CCT2: variants seen among roughly 807,000 people sequenced by gnomAD.
CCT2 encodes chaperonin containing TCP1 subunit 2.
Under a neutral mutation model 61.8 loss-of-function variants are expected in CCT2, and 18 were observed. The observed-to-expected ratio is 0.29, with a 90% confidence interval of 0.20 to 0.43. The LOEUF (loss-of-function observed/expected upper bound fraction) is 0.43, where lower values mean the gene tolerates loss of function less well. Among genes scored for constraint, CCT2 ranks in the 20% least tolerant of loss-of-function variants. The pLI is 1.00. For synonymous variants in CCT2, 248 were observed against 215.9 expected, an observed-to-expected ratio of 1.15 and a Z score of -1.30; for missense variants, 556 against 656.9, an observed-to-expected ratio of 0.85 and a Z score of 1.68.
In CCT2 at chr12:69,601,340, T is replaced by C; in HGVS notation, c.*15T>C. 6.2e-7 allele frequency: 1 copy of C among 1,613,952 alleles called. No homozygotes were observed. The highest frequency in any genetic ancestry group is 1.1e-5 in the South Asian group (1 of 91,014). ...ACCCCTGTTAAGCATTCCCACGTGC[T>C]GTCGATCTTTGGACCAGTTTCTAGC... is the stretch of plus-strand genomic sequence containing the variant. On this transcript the variant is annotated 3_prime_UTR_variant, in exon 16 of 16. Coordinates refer to ENST00000299300, the MANE Select transcript of CCT2 (RefSeq NM_006431.3).
chr12:69,589,331 A>C lies in CCT2; in HGVS notation c.447-154A>C, dbSNP rs994408727. ...TTTGGTGGGGAAAATAACATCTTTA[A>C]TTTGTGTTTCTTGATTACTGCTGAG... On this transcript the variant is annotated intron_variant, in intron 6 of 15. Transcript: ENST00000299300. The C allele has an allele frequency of 4.9e-6, 3 of 616,840 alleles. No homozygotes were observed. The Admixed American group carries it at 9.4e-5, about 19-fold the overall frequency. The allele number at this position is 616,840 out of a possible 1,614,324, so 38.2% of individuals were successfully genotyped here. A position where few individuals can be genotyped will look rare whatever the true frequency, so the allele number is the denominator to read the frequency against.
At position 69,593,952 on chromosome 12, in the gene CCT2, A is replaced by G. The variant is rs539753355; in HGVS notation, c.982+339A>G. ...CAGGAGTTTCAGACCAACTTTGGCA[A>G]CATTGCGAACCCACATCCCTACAAA... On this transcript the variant is annotated intron_variant, in intron 10 of 15. Transcript: ENST00000299300. Among the ~76,000 whole-genome samples, 20 of 151,838 alleles carry G rather than the reference A, an allele frequency of 1.3e-4. No individual in the cohort carries two copies. In the South Asian group the frequency reaches 4.0e-3, roughly 30 times the overall value.
At position 69,597,247 on chromosome 12, in the gene CCT2, A is replaced by G; in HGVS notation, c.1074A>G (p.Lys358=). Reference sequence around the variant, plus strand: ...AGGAAGTCATGATTGGAGAAGACAAACTCATTCACTTTTCTGGGGTTGCCC... The same window carrying G: ...AGGAAGTCATGATTGGAGAAGACAAGCTCATTCACTTTTCTGGGGTTGCCC... ...LIEEVMIGED[K]LIHFSGVALG... The change falls in exon 11 of 16, where the codon AAA becomes AAG. Residue 358 remains lysine, a synonymous_variant. Transcript: ENST00000299300. 1 of 1,613,914 alleles carries G rather than the reference A, an allele frequency of 6.2e-7. No individual in the cohort carries two copies. Among genetic ancestry groups the G allele is most frequent in the South Asian group, 1.1e-5 (1 of 91,072 alleles).
At chr12:69,586,374 G>A in intron 2 of CCT2, 30 bp downstream of exon 2, 1 of 1,518,478 alleles carries the variant, frequency 6.6e-7, no homozygotes, top group Non-Finnish European at 9.1e-7. Context: ...TTGTTTTAAA[G>A]ATAAAACTGG....
Position 69,588,154 on chromosome 12 carries a change from CAGAA to C in CCT2, c.339_342del (p.Glu114LeufsTer2). 6.2e-7 allele frequency: 1 copy of C among 1,611,912 alleles called. No homozygotes were observed. The highest frequency in any genetic ancestry group is 8.5e-7 in the Non-Finnish European group (1 of 1,178,290). On this transcript the variant is annotated frameshift_variant, in exon 6 of 16. Coordinates refer to ENST00000299300, the MANE Select transcript of CCT2 (RefSeq NM_006431.3). LOFTEE classifies it high-confidence loss of function. Reference sequence around the variant, plus strand: ...GTTTTATAACTTTATTAATAGGAAGCAGAATCTTTAATTGCAAAAAAGATTCATC... The same window carrying C: ...GTTTTATAACTTTATTAATAGGAAGCTCTTTAATTGCAAAAAAGATTCATC...
intron 2 of CCT2, 117 bp from the exon 3 acceptor site, chr12:69,586,636 C>G: frequency 1.3e-6 from 1 of 775,080 alleles, no homozygotes; most frequent in Non-Finnish European, 2.1e-6. Flanking sequence ...CCATTGCACT[C>G]CAGCCTGGGC....
intron 15 of CCT2, among the ~76,000 whole-genome samples, chr12:69,600,838 A>G (rs545487375): frequency 6.6e-6 from 1 of 152,256 alleles, no homozygotes; most frequent in African/African-American, 2.4e-5. Flanking sequence ...ATTTACTAGT[A>G]CCCTTATCCC....
chr12:69,597,848 A>G, intron 12 of CCT2, 82 bp downstream of exon 12: 1 of 1,421,122 alleles, frequency 7.0e-7, no homozygotes, highest in Non-Finnish European at 9.7e-7. Context: ...TGGTTCTTAC[A>G]GAAATCTTAT....
chr12:69,587,409 T>C (rs1445889216), intron 3 of CCT2, 96 bp from the exon 4 acceptor site: 6 of 692,294 alleles, frequency 8.7e-6, no homozygotes, highest in Non-Finnish European at 1.3e-5. Flanking sequence ...CTATCCAGAG[T>C]GTTTATACAC....
Position 69,599,980 on chromosome 12 carries a change from A to G in CCT2, c.1553A>G (p.Asp518Gly). 1 of 1,612,734 alleles carries G rather than the reference A, an allele frequency of 6.2e-7. No homozygotes were observed. Among genetic ancestry groups the G allele is most frequent in the Non-Finnish European group, 8.5e-7 (1 of 1,179,380 alleles). Residue 518 changes from aspartate to glycine, a missense_variant, in exon 15 of 16, where the codon GAC becomes GGC. Asp to Gly is a moderately conservative substitution (Grantham distance 94, BLOSUM62 -1). This residue lies in a region of CCT2 where 225 missense variants were observed against 249.8 expected (regional missense o/e 0.90). Transcript: ENST00000299300. ...GCAGCAGAGGTGATTCTGCGTGTGG[A>G]CAACATCATCAAAGCGGCACCCAGG... ...AEAAEVILRV[D>G]NIIKAAPRKR...
Position 69,598,020 on chromosome 12 carries a change from A to C in CCT2, c.1284A>C (p.Thr428=). The change falls in exon 13 of 16, where the codon ACA becomes ACC. Residue 428 remains threonine, a synonymous_variant. Transcript: ENST00000299300. ...CTGTGACACAGCTTGCCAATAGAAC[A>C]CCAGGCAAAGAAGCTGTTGCAATGG... ...AHAVTQLANR[T]PGKEAVAMES... 6.2e-7 allele frequency: 1 copy of C among 1,614,054 alleles called. No homozygotes were observed. The highest frequency in any genetic ancestry group is 8.5e-7 in the Non-Finnish European group (1 of 1,179,926).
intron 10 of CCT2, among the ~76,000 whole-genome samples, chr12:69,594,525 T>A (rs1316527538): frequency 6.6e-6 from 1 of 152,196 alleles, no homozygotes; most frequent in Non-Finnish European, 1.5e-5. Flanking sequence ...AAATAGAAAT[T>A]GTGTTTATAA....
chr12:69,601,555 A>G lies in CCT2; in HGVS notation c.*230A>G. On this transcript the variant is annotated 3_prime_UTR_variant, in exon 16 of 16. Transcript: ENST00000299300. The stretch of plus-strand genomic sequence containing the variant: ...ATTTCTCATACTGTGCATTAAAATA[A>G]AAATTTGAACAATTACTTGGTTCTT... 1 of 1,328,790 alleles carries G rather than the reference A, an allele frequency of 7.5e-7. No individual in the cohort carries two copies. The highest frequency in any genetic ancestry group is 9.8e-7 in the Non-Finnish European group (1 of 1,025,064). 82.3% of individuals were successfully genotyped at this position (1,328,790 alleles called of 1,614,324 possible).
intron 7 of CCT2, among the ~76,000 whole-genome samples, chr12:69,590,881 T>A (rs1218677668): frequency 6.6e-6 from 1 of 150,462 alleles, no homozygotes; most frequent in Non-Finnish European, 1.5e-5. Context: ...CATGCCTGGC[T>A]AACTTTTTTG....
chr12:69,594,853 A>G (rs1378964706), intron 10 of CCT2, among the ~76,000 whole-genome samples: 2 of 152,144 alleles, frequency 1.3e-5, no homozygotes, highest in Non-Finnish European at 2.9e-5. Context: ...CTTTAAAAAA[A>G]AAAAAAAAAA....
intron 10 of CCT2, among the ~76,000 whole-genome samples, chr12:69,595,417 G>A (rs1881957284): frequency 6.6e-6 from 1 of 152,190 alleles, no homozygotes; most frequent in Admixed American, 6.5e-5. Context: ...GGCCGGGTGT[G>A]GTGGCTCACG....
intron 15 of CCT2, 132 bp from the exon 16 acceptor site, chr12:69,601,163 C>G: frequency 1.4e-6 from 1 of 716,050 alleles, no homozygotes; most frequent in Non-Finnish European, 2.3e-6. Context: ...TTATAGGGGA[C>G]ACACATGCAA....
Position 69,588,252 on chromosome 12 carries a change from G to A in CCT2, c.436G>A (p.Val146Ile), listed in dbSNP as rs1218027325. ...AAGAGAGGCGCTGTTGAGTTCTGCA[G>A]TTGATCATGGGTTTGTATAGCAAAG... ...AAREALLSSA[V>I]DHGSDEVKFR... is the part of the protein sequence containing the mutation. The change falls in exon 6 of 16, where the codon GTT (valine) becomes ATT (isoleucine). Residue 146 changes from valine (V) to isoleucine (I), a missense_variant. Val to Ile is a conservative substitution (Grantham distance 29). Transcript: ENST00000299300. The A allele has an allele frequency of 6.2e-7, 1 of 1,611,750 alleles. No homozygotes were observed. Among genetic ancestry groups the A allele is most frequent in the Middle Eastern group, 1.7e-4 (1 of 6,060 alleles).
chr12:69,586,254 T>A lies in CCT2; in HGVS notation c.4-16T>A. The A allele has an allele frequency of 6.3e-7, 1 of 1,593,838 alleles. No individual in the cohort carries two copies. On this transcript the variant is annotated splice_polypyrimidine_tract_variant and intron_variant, in intron 1 of 15. Transcript: ENST00000299300. ...ATTGGTACTTAAACGGAATGCCTCT[T>A]GGTTTTCCTTTTCAGGCGTCCCTTT...
Sources: gnomAD v4.1 joint callset for allele counts (sites outside exome capture counted in the v4.1 genomes callset) on GRCh38, gnomAD v4.1.1 for gene constraint, gnomAD v4.1.1 regional missense constraint, MANE v1.5 for transcripts, NCBI Gene and HGNC (gene_info 2026-07-23, HGNC 2026-07-21) for gene names.